RBPJ: variants seen among roughly 807,000 people sequenced by gnomAD.
The protein encoded by RBPJ is recombining binding protein suppressor of hairless.
RBPJ carries 9 observed loss-of-function variants against 67.8 expected under a neutral mutation model. The observed-to-expected ratio is 0.13, with a 90% CI of 0.08 to 0.23. The LOEUF (loss-of-function observed/expected upper bound fraction) is 0.23, where lower values mean the gene tolerates loss of function less well. Among genes scored for constraint, RBPJ ranks in the 10% least tolerant of loss-of-function variants. The pLI is 1.00. For missense variants in RBPJ, 305 were observed against 595.6 expected, an observed-to-expected ratio of 0.51 and a Z score of 5.08; for synonymous variants, 198 against 203.3, an observed-to-expected ratio of 0.97 and a Z score of 0.22.
chr4:26,189,334 C>T (rs1188921954), intron 1 of RBPJ, among the ~76,000 whole-genome samples: 3 of 152,298 alleles, frequency 2.0e-5, no homozygotes, highest in Admixed American at 1.3e-4. Flanking sequence ...CTGATCCAAC[C>T]TGCCACATGT....
chr4:26,192,633 G>A (rs1213304973), intron 1 of RBPJ, among the ~76,000 whole-genome samples: 2 of 152,178 alleles, frequency 1.3e-5, no homozygotes, highest in African/African-American at 4.8e-5. Context: ...CCCACTGCTG[G>A]ATGAGGAAGT....
the RBPJ span, among the ~76,000 whole-genome samples, chr4:26,145,480 C>T: frequency 1.3e-5 from 2 of 152,188 alleles, no homozygotes; most frequent in East Asian, 1.9e-4. Context: ...CACTAATCTT[C>T]GAGTCCAGTG....
At chr4:26,242,944 T>G (rs1233461655) in intron 1 of RBPJ, among the ~76,000 whole-genome samples, 1 of 152,054 alleles carries the variant, frequency 6.6e-6, no homozygotes, top group African/African-American at 2.4e-5. Context: ...CTGGCTACTT[T>G]TTAAAAGCGC....
At chr4:26,145,582 G>A in the RBPJ span, among the ~76,000 whole-genome samples, 1 of 152,174 alleles carries the variant, frequency 6.6e-6, no homozygotes, top group African/African-American at 2.4e-5. Context: ...GACAATTTTT[G>A]TCATTTGGTT....
intron 1 of RBPJ, among the ~76,000 whole-genome samples, chr4:26,207,503 T>C (rs1273459094): frequency 6.6e-6 from 1 of 152,218 alleles, no homozygotes; most frequent in Admixed American, 6.5e-5. Context: ...TACTGATTCA[T>C]TCCTGTGGAG....
At chr4:26,428,927 A>G (rs1444399105) in intron 8 of RBPJ, 67 bp downstream of exon 8, 11 of 1,273,670 alleles carry the variant, frequency 8.6e-6, no homozygotes, top group Non-Finnish European at 1.1e-5. Flanking sequence ...TTGCAAAAAT[A>G]TGAAATTTTC....
intron 2 of RBPJ, among the ~76,000 whole-genome samples, chr4:26,394,568 G>T (rs1216431755): frequency 6.6e-6 from 1 of 151,684 alleles, no homozygotes; most frequent in Non-Finnish European, 1.5e-5. Context: ...AAATCATTTT[G>T]TCATTTAGAG....
chr4:26,176,300 A>T (rs949693508), intron 1 of RBPJ, among the ~76,000 whole-genome samples: 1 of 152,184 alleles, frequency 6.6e-6, no homozygotes, highest in Non-Finnish European at 1.5e-5. Flanking sequence ...AGACAAAGCA[A>T]CTTGCTTGTG....
At chr4:26,395,644 G>A (rs1732043517) in intron 2 of RBPJ, among the ~76,000 whole-genome samples, 1 of 152,052 alleles carries the variant, frequency 6.6e-6, no homozygotes, top group Non-Finnish European at 1.5e-5. Context: ...ATCTCTGCCT[G>A]CTAGCTCCCC....
the RBPJ span, among the ~76,000 whole-genome samples, chr4:26,157,734 T>C: frequency 6.6e-6 from 1 of 152,204 alleles, no homozygotes; most frequent in Admixed American, 6.5e-5. Flanking sequence ...CTTTTACCAA[T>C]AGGACAATGG....
At chr4:26,197,715 C>A (rs1360655922) in intron 1 of RBPJ, among the ~76,000 whole-genome samples, 2 of 152,076 alleles carry the variant, frequency 1.3e-5, no homozygotes, top group African/African-American at 4.8e-5. Context: ...TGAACTGTTC[C>A]TCCAGCCTCC....
At chr4:26,201,299 C>T (rs564927569) in intron 1 of RBPJ, among the ~76,000 whole-genome samples, 2 of 152,018 alleles carry the variant, frequency 1.3e-5, no homozygotes, top group Non-Finnish European at 2.9e-5. Flanking sequence ...ATGTTGGAGA[C>T]GGAAAAAGGA....
chr4:26,306,340 T>C (rs896190281), intron 1 of RBPJ, among the ~76,000 whole-genome samples: 11 of 152,072 alleles, frequency 7.2e-5, no homozygotes, highest in South Asian at 6.2e-4. Flanking sequence ...TTCCCTTCCA[T>C]TTCTAGTTTG....
At chr4:26,121,488 A>C in the RBPJ span, among the ~76,000 whole-genome samples, 4 of 152,110 alleles carry the variant, frequency 2.6e-5, no homozygotes, top group Non-Finnish European at 5.9e-5. Context: ...TAAGTTGTTC[A>C]TGACCCCCTA....
chr4:26,388,602 A>T (rs1029170946), intron 2 of RBPJ, among the ~76,000 whole-genome samples: 4 of 111,292 alleles, frequency 3.6e-5, no homozygotes, highest in African/African-American at 1.1e-4. Context: ...GATTACACAC[A>T]CACTCTCTCT....
the RBPJ span, among the ~76,000 whole-genome samples, chr4:26,133,142 G>A: frequency 6.6e-6 from 1 of 152,256 alleles, no homozygotes; most frequent in Non-Finnish European, 1.5e-5. Context: ...CCTTGCACAT[G>A]CACCAGTCAA....
intron 1 of RBPJ, among the ~76,000 whole-genome samples, chr4:26,267,063 C>A (rs1248722282): frequency 2.6e-5 from 4 of 152,140 alleles, no homozygotes; most frequent in African/African-American, 9.7e-5. Flanking sequence ...AAGTTGTCTC[C>A]TCTTTATTTC....
chr4:26,127,821 G>C, the RBPJ span, among the ~76,000 whole-genome samples: 1 of 152,184 alleles, frequency 6.6e-6, no homozygotes, highest in South Asian at 2.1e-4. Context: ...TGGCCCTAAA[G>C]AGGTTGGCCT....
At chr4:26,296,195 C>T (rs1477996397) in intron 1 of RBPJ, among the ~76,000 whole-genome samples, 2 of 152,182 alleles carry the variant, frequency 1.3e-5, no homozygotes, top group Non-Finnish European at 1.5e-5. Context: ...TTCTGTAGAA[C>T]AGAAAAGTTC....
Sources: allele counts gnomAD v4.1 joint callset (sites outside exome capture counted in the v4.1 genomes callset), GRCh38; gene constraint gnomAD v4.1.1; transcripts MANE v1.5; gene names NCBI Gene and HGNC (gene_info 2026-07-23, HGNC 2026-07-21).